PRMT3: variants seen among roughly 807,000 people sequenced by gnomAD.
PRMT3 encodes the protein protein arginine N-methyltransferase 3.
PRMT3 carries 62 observed loss-of-function variants against 71.9 expected under a neutral mutation model. The ratio of observed to expected loss-of-function variants is 0.86; its 90% CI spans 0.70 to 1.07. The LOEUF is 1.07. Ranked by LOEUF, PRMT3 falls within the 50% of genes least tolerant of loss-of-function variation. PRMT3 has a pLI of 0.00. For synonymous variants in PRMT3, 213 were observed against 220.4 expected (o/e 0.97, Z 0.30); for missense variants, 663 against 643.0 (o/e 1.03, Z -0.34).
At chr11:20,484,995 T>G (rs1325831017) in intron 13 of PRMT3, among the ~76,000 whole-genome samples, 1 of 152,224 alleles carries the variant, frequency 6.6e-6, no homozygotes, top group African/African-American at 2.4e-5. Flanking sequence ...GCTGAAAGAC[T>G]TGTGTAGCCC....
intron 13 of PRMT3, among the ~76,000 whole-genome samples, chr11:20,472,673 CTTTT>C (rs1221926483): frequency 2.1e-5 from 3 of 146,042 alleles, no homozygotes; most frequent in Non-Finnish European, 4.6e-5. Flanking sequence ...CTGAAGTGTT[CTTTT>C]TTTGTTTTGT....
chr11:20,506,874 AT>A (rs1398130046), intron 15 of PRMT3, among the ~76,000 whole-genome samples: 1 of 152,242 alleles, frequency 6.6e-6, no homozygotes, highest in Admixed American at 6.5e-5. Context: ...AGAAGTATTT[AT>A]AATTAGAAAA....
chr11:20,431,827 A>G (rs1362664547), intron 10 of PRMT3, among the ~76,000 whole-genome samples: 1 of 152,108 alleles, frequency 6.6e-6, no homozygotes, highest in East Asian at 1.9e-4. Flanking sequence ...CTTGGAAACA[A>G]TTTTTAGGCA....
At chr11:20,419,265 A>T (rs903534205) in intron 9 of PRMT3, among the ~76,000 whole-genome samples, 5 of 152,160 alleles carry the variant, frequency 3.3e-5, no homozygotes, top group African/African-American at 9.7e-5. Context: ...GAAACTGAGC[A>T]CCTTTTCATG....
intron 15 of PRMT3, 81 bp from the exon 16 acceptor site, chr11:20,508,220 AAAG>A (rs1303356282): frequency 4.6e-6 from 3 of 653,822 alleles, no homozygotes; most frequent in Non-Finnish European, 7.9e-6. Flanking sequence ...ATCACAATAA[AAAG>A]AAGTGCTAGT....
At chr11:20,441,798 T>G (rs1473906239) in intron 10 of PRMT3, among the ~76,000 whole-genome samples, 1 of 150,956 alleles carries the variant, frequency 6.6e-6, no homozygotes, top group East Asian at 2.0e-4. Context: ...GTTTTTTTTT[T>G]TTTTTTTTTT....
At chr11:20,426,936 G>T in intron 10 of PRMT3, 71 bp downstream of exon 10, 1 of 1,440,412 alleles carries the variant, frequency 6.9e-7, no homozygotes, top group Non-Finnish European at 9.1e-7. Flanking sequence ...TAGTTTTCAT[G>T]AATTTAATTA....
chr11:20,455,893 T>C (rs966715380), intron 11 of PRMT3, among the ~76,000 whole-genome samples: 30 of 151,766 alleles, frequency 2.0e-4, no homozygotes, highest in African/African-American at 6.8e-4. Context: ...TTGTACACTG[T>C]GAATTTCAGA....
intron 10 of PRMT3, among the ~76,000 whole-genome samples, chr11:20,438,376 T>A (rs1849809869): frequency 6.6e-6 from 1 of 152,042 alleles, no homozygotes; most frequent in Admixed American, 6.5e-5. Flanking sequence ...CAGCAGCAAG[T>A]ACCCTAGAAT....
At position 20,413,473 on chromosome 11, in the gene PRMT3, A is replaced by T. The variant is rs76375235; in HGVS notation, c.893+5441A>T. On this transcript the variant is annotated intron_variant, in intron 9 of 15. Transcript: ENST00000331079. ...AATGAGGTTGATGGAGTCTTATCTC[A>T]TAAGATTGTTACAGGAATTGTATCC... 6.3e-4 allele frequency among the ~76,000 whole-genome samples: 96 copies of T among 152,264 alleles called. No homozygotes were observed. The East Asian group carries it at 0.016, about 25-fold the overall frequency.
At chr11:20,393,578 T>C (rs907399441) in intron 5 of PRMT3, among the ~76,000 whole-genome samples, 21 of 152,258 alleles carry the variant, frequency 1.4e-4, no homozygotes, top group African/African-American at 4.6e-4. Flanking sequence ...CCAGGTGATT[T>C]GAACATCCTG....
chr11:20,427,726 GA>G (rs557123412), intron 10 of PRMT3, among the ~76,000 whole-genome samples: 306 of 148,098 alleles, frequency 2.1e-3, no homozygotes, highest in African/African-American at 6.8e-3. Flanking sequence ...ACTCCACCTC[GA>G]AAAAAAAAAT....
At chr11:20,429,559 A>G (rs1263654013) in intron 10 of PRMT3, among the ~76,000 whole-genome samples, 1 of 152,250 alleles carries the variant, frequency 6.6e-6, no homozygotes, top group Non-Finnish European at 1.5e-5. Flanking sequence ...GAAAGGAGCC[A>G]GTTGTTTGGA....
intron 13 of PRMT3, among the ~76,000 whole-genome samples, chr11:20,488,608 A>G (rs1319273085): frequency 1.3e-5 from 2 of 152,200 alleles, no homozygotes; most frequent in Non-Finnish European, 2.9e-5. Context: ...CTGTTGGAAC[A>G]TGATACCAAT....
At chr11:20,405,679 C>CA (rs533286363) in intron 8 of PRMT3, 2 of 152,014 alleles carry the variant, frequency 1.3e-5, no homozygotes, top group Non-Finnish European at 2.9e-5. Flanking sequence ...GATAGTCTTA[C>CA]AAAAAAACAC....
At chr11:20,419,504 A>G (rs1328233414) in intron 9 of PRMT3, among the ~76,000 whole-genome samples, 4 of 152,204 alleles carry the variant, frequency 2.6e-5, no homozygotes, top group African/African-American at 7.2e-5. Flanking sequence ...CAGTTTTCAT[A>G]TGGCAACATT....
chr11:20,463,412 A>G (rs756136018), intron 12 of PRMT3, among the ~76,000 whole-genome samples: 2 of 152,196 alleles, frequency 1.3e-5, no homozygotes, highest in Non-Finnish European at 2.9e-5. Flanking sequence ...GTGTACAGTT[A>G]TAACCAACTA....
At chr11:20,487,823 G>GC (rs1851113261) in intron 13 of PRMT3, among the ~76,000 whole-genome samples, 1 of 152,020 alleles carries the variant, frequency 6.6e-6, no homozygotes, top group Admixed American at 6.6e-5. Flanking sequence ...GATGATTTTT[G>GC]CCCCCTAAAA....
intron 13 of PRMT3, among the ~76,000 whole-genome samples, chr11:20,483,423 A>T (rs1850992046): frequency 6.6e-6 from 1 of 151,946 alleles, no homozygotes; most frequent in South Asian, 2.1e-4. Flanking sequence ...AAAGCAGCAC[A>T]AAAAATGGAA....
Sources: allele counts gnomAD v4.1 joint callset (sites outside exome capture counted in the v4.1 genomes callset), GRCh38; gene constraint gnomAD v4.1.1; transcripts MANE v1.5; gene names NCBI Gene and HGNC (gene_info 2026-07-23, HGNC 2026-07-21).